The following VSIR variants were observed in gnomAD, a reference collection of about 807,000 sequenced individuals.
VSIR encodes V-type immunoglobulin domain-containing suppressor of T-cell activation.
VSIR carries 10 observed loss-of-function variants against 31.0 expected under a neutral mutation model. The observed-to-expected ratio is 0.32, with a 90% CI of 0.20 to 0.55. VSIR has a LOEUF of 0.55. Among genes scored for constraint, VSIR ranks in the 20% least tolerant of loss-of-function variants. VSIR has a pLI of 0.93. For missense variants in VSIR, 356 were observed against 416.2 expected (o/e 0.86, Z 1.26); for synonymous variants, 179 against 180.1 (o/e 0.99, Z 0.05).
intron 1 of VSIR, among the ~76,000 whole-genome samples, chr10:71,771,376 G>A (rs188602172): frequency 9.2e-5 from 14 of 152,288 alleles, no homozygotes; most frequent in East Asian, 1.9e-4. Flanking sequence ...GGCTGGCCCC[G>A]GCCACTCTAT....
chr10:71,755,462 G>A lies in VSIR; in HGVS notation c.573C>T (p.Ile191=). 1 of 1,610,542 alleles carries A rather than the reference G, an allele frequency of 6.2e-7. No individual in the cohort carries two copies. Among genetic ancestry groups the A allele is most frequent in the Non-Finnish European group, 8.5e-7 (1 of 1,178,628 alleles). The part of the protein sequence containing the change: ...YPSSSQDSEN[I]TAAALATGAC... Reference sequence around the variant, plus strand: ...CACCCGTAGCCAGGGCTGCAGCCGTGATGTCTGAAAGGGCAGAGAGGTAGC... The same window carrying A: ...CACCCGTAGCCAGGGCTGCAGCCGTAATGTCTGAAAGGGCAGAGAGGTAGC... Residue 191 remains isoleucine, a synonymous_variant, in exon 4 of 7, where the codon ATC becomes ATT. Coordinates refer to ENST00000394957, the MANE Select transcript of VSIR (RefSeq NM_022153.2).
intron 4 of VSIR, 92 bp downstream of exon 4, chr10:71,755,267 C>T: frequency 6.3e-6 from 7 of 1,114,964 alleles, no homozygotes; most frequent in South Asian, 5.6e-5. Context: ...ATTGTGCCTG[C>T]ATCGTGCCTT....
chr10:71,759,846 C>CACATAT (rs776230069), intron 3 of VSIR, among the ~76,000 whole-genome samples: 1 of 59,930 alleles, frequency 1.7e-5, no homozygotes, highest in Non-Finnish European at 3.4e-5. Context: ...CACACACACA[C>CACATAT]ATATACACAC....
intron 3 of VSIR, chr10:71,760,523 G>A: frequency 4.7e-6 from 1 of 212,160 alleles, no homozygotes; most frequent in Non-Finnish European, 9.5e-6. Flanking sequence ...AGGACCCCCA[G>A]CCTTCCCAAG....
At chr10:71,769,446 A>G (rs1467086342) in intron 1 of VSIR, among the ~76,000 whole-genome samples, 2 of 152,254 alleles carry the variant, frequency 1.3e-5, no homozygotes, top group Non-Finnish European at 2.9e-5. Context: ...GTTTCCTTTT[A>G]AAGATCTACA....
At chr10:71,770,993 G>C (rs763807838) in intron 1 of VSIR, among the ~76,000 whole-genome samples, 2 of 152,220 alleles carry the variant, frequency 1.3e-5, no homozygotes, top group Admixed American at 6.5e-5. Context: ...TGCTGCGTCA[G>C]AGGCTTGCAG....
At chr10:71,767,956 G>C (rs898355760) in intron 1 of VSIR, among the ~76,000 whole-genome samples, 1 of 152,178 alleles carries the variant, frequency 6.6e-6, no homozygotes, top group African/African-American at 2.4e-5. Flanking sequence ...GTCCCGGCCC[G>C]TGGATGCTTC....
chr10:71,751,832 A>G lies in VSIR; in HGVS notation c.734T>C (p.Phe245Ser). The G allele has an allele frequency of 6.4e-7, 1 of 1,567,310 alleles. No individual in the cohort carries two copies. The highest frequency in any genetic ancestry group is 1.4e-5 in the African/African-American group (1 of 73,288). ...SNIQGIENPG[F>S]EASPPAQGIP... ...CCCCTGGGCAGGTGGTGAGGCTTCA[A>G]AGCCGGGGTTTTCAATCCCTTGAAT... The change falls in exon 6 of 7, where the codon TTT becomes TCT. Residue 245 changes from phenylalanine (F) to serine (S), a missense_variant. Physicochemically the swap from Phe to Ser is radical, Grantham distance 155. This residue lies in a region of VSIR where 190 missense variants were observed against 185.2 expected (regional missense o/e 1.03). Coordinates refer to ENST00000394957, the MANE Select transcript of VSIR (RefSeq NM_022153.2). This position sits in a 1 kb window ranked among gnomAD's most constrained non-coding sequence, Gnocchi z 4.9.
At chr10:71,760,364 T>C (rs954885711) in intron 3 of VSIR, 1 of 151,744 alleles carries the variant, frequency 6.6e-6, no homozygotes, top group African/African-American at 2.4e-5. Flanking sequence ...AAAGACTTAG[T>C]CCAGTGCCCA....
Position 71,751,365 on chromosome 10 carries a change from G to A in VSIR, c.899-75C>T. ...CTCAACCCCACCCCGTGAGGCCGTG[G>A]AACTCTTCAGGGAGGTGAATGGGGG... On this transcript the variant is annotated intron_variant, in intron 6 of 6. Coordinates refer to ENST00000394957, the MANE Select transcript of VSIR (RefSeq NM_022153.2). This position sits in a 1 kb window ranked among gnomAD's most constrained non-coding sequence, Gnocchi z 4.9. 7.1e-7 allele frequency: 1 copy of A among 1,415,754 alleles called. No individual in the cohort carries two copies. 87.7% of individuals were successfully genotyped at this position (1,415,754 alleles called of 1,614,324 possible). A position where few individuals can be genotyped will look rare whatever the true frequency, so the allele number is the denominator to read the frequency against.
chr10:71,750,617 A>G lies in VSIR; in HGVS notation c.*636T>C, dbSNP rs1839973685. On this transcript the variant is annotated 3_prime_UTR_variant, in exon 7 of 7. Coordinates refer to ENST00000394957, the MANE Select transcript of VSIR (RefSeq NM_022153.2). The stretch of plus-strand genomic sequence containing the variant: ...ATGTACTTCCCGTTTCGGGACCACC[A>G]AGCTCTGGGGACTGGAATGCAGGCA... 1.3e-5 allele frequency: 2 copies of G among 152,416 alleles called. No individual in the cohort carries two copies. Among genetic ancestry groups the G allele is most frequent in the Admixed American group, 1.3e-4 (2 of 15,298 alleles). 9.4% of individuals were successfully genotyped at this position (152,416 alleles called of 1,614,324 possible).
chr10:71,756,516 C>T (rs753410688), intron 3 of VSIR, among the ~76,000 whole-genome samples: 23 of 152,184 alleles, frequency 1.5e-4, no homozygotes, highest in Non-Finnish European at 2.6e-4. Flanking sequence ...AAATTCCTAG[C>T]GGTCAAAGTG....
intron 4 of VSIR, chr10:71,755,047 G>A: frequency 1.9e-6 from 1 of 525,542 alleles, no homozygotes; most frequent in Non-Finnish European, 3.7e-6. Context: ...TCTCTGAGTG[G>A]CAGCAACTTG....
In VSIR at chr10:71,761,983, A is replaced by G. The variant is rs767420995; in HGVS notation, c.126T>C (p.Tyr42=). The G allele has an allele frequency of 1.9e-6, 3 of 1,612,982 alleles. No individual in the cohort carries two copies. Among genetic ancestry groups the G allele is most frequent in the African/African-American group, 1.3e-5 (1 of 74,924 alleles). The part of the protein sequence containing the change: ...AFKVATPYSL[Y]VCPEGQNVTL... The stretch of plus-strand genomic sequence containing the variant: ...TGACGTTCTGCCCCTCGGGACAGAC[A>G]TACAGGGAATACGGCGTGGCGACCT... The change falls in exon 2 of 7, where the codon TAT becomes TAC. Residue 42 remains tyrosine (Y), a synonymous_variant. Coordinates refer to ENST00000394957, the MANE Select transcript of VSIR (RefSeq NM_022153.2).
At chr10:71,753,342 A>G (rs540960343) in intron 4 of VSIR, among the ~76,000 whole-genome samples, 35 of 152,330 alleles carry the variant, frequency 2.3e-4, no homozygotes, top group African/African-American at 8.4e-4. Flanking sequence ...GACCTTCAGG[A>G]TTTAAGTATC....
At position 71,751,963 on chromosome 10, in the gene VSIR, C is replaced by A; in HGVS notation, c.705-102G>T. The A allele has an allele frequency of 1.6e-6, 2 of 1,224,904 alleles. No individual in the cohort carries two copies. Among genetic ancestry groups the A allele is most frequent in the Non-Finnish European group, 2.3e-6 (2 of 864,160 alleles). The allele number at this position is 1,224,904 out of a possible 1,614,324, so 75.9% of individuals were successfully genotyped here. On this transcript the variant is annotated intron_variant, in intron 5 of 6. Transcript: ENST00000394957. This position sits in a 1 kb window ranked among gnomAD's most constrained non-coding sequence, Gnocchi z 4.9. ...TCTCCTCCCTTTCTCTCACCTACAT[C>A]CCCATCCCCAAGCCTCAGCAGCATC...
In VSIR at chr10:71,747,729, A is replaced by G. The variant is rs968315287; in HGVS notation, c.*3524T>C. 1 of 152,264 alleles carries G rather than the reference A, an allele frequency of 6.6e-6. No individual in the cohort carries two copies. Among genetic ancestry groups the G allele is most frequent in the African/African-American group, 2.4e-5 (1 of 41,468 alleles). The allele number at this position is 152,264 out of a possible 1,614,324, so 9.4% of individuals were successfully genotyped here. A position where few individuals can be genotyped will look rare whatever the true frequency, so the allele number is the denominator to read the frequency against. ...TGTGTTGGAAAGCACCAAGTATTCTAACAGAAAAGGCCAAGAAACAGCATG... is the reference window on the plus strand; with the variant it reads ...TGTGTTGGAAAGCACCAAGTATTCTGACAGAAAAGGCCAAGAAACAGCATG... On this transcript the variant is annotated 3_prime_UTR_variant, in exon 7 of 7. Coordinates refer to ENST00000394957, the MANE Select transcript of VSIR (RefSeq NM_022153.2).
Position 71,748,724 on chromosome 10 carries a change from C to G in VSIR, c.*2529G>C, listed in dbSNP as rs1449962447. 6.5e-6 allele frequency: 1 copy of G among 152,822 alleles called. No homozygotes were observed. The highest frequency in any genetic ancestry group is 1.5e-5 in the Non-Finnish European group (1 of 68,180). The allele number at this position is 152,822 out of a possible 1,614,324, so 9.5% of individuals were successfully genotyped here. A position where few individuals can be genotyped will look rare whatever the true frequency, so the allele number is the denominator to read the frequency against. Reference sequence around the variant, plus strand: ...GCCCCCTGGAGGCGCCATGTTCTCGCACCCAGCTCTCCCATGCACCCCAGC... The same window carrying G: ...GCCCCCTGGAGGCGCCATGTTCTCGGACCCAGCTCTCCCATGCACCCCAGC... On this transcript the variant is annotated 3_prime_UTR_variant, in exon 7 of 7. Coordinates refer to ENST00000394957, the MANE Select transcript of VSIR (RefSeq NM_022153.2).
At chr10:71,761,315 A>T (rs909956660) in intron 2 of VSIR, among the ~76,000 whole-genome samples, 14 of 152,184 alleles carry the variant, frequency 9.2e-5, no homozygotes, top group Non-Finnish European at 1.6e-4. Context: ...TGATGTCATC[A>T]TGAGCAGTCA....
Sources: gnomAD v4.1 joint callset for allele counts (sites outside exome capture counted in the v4.1 genomes callset) on GRCh38, gnomAD v4.1.1 for gene constraint, gnomAD v4.1.1 regional missense constraint, Gnocchi (gnomAD v3.1) non-coding constraint, MANE v1.5 for transcripts, NCBI Gene and HGNC (gene_info 2026-07-23, HGNC 2026-07-21) for gene names.